Variants in PCDH7 observed in about 807,000 individuals in gnomAD.
The protein encoded by PCDH7 is protocadherin-7.
PCDH7 carries 17 observed loss-of-function variants against 58.9 expected under a neutral mutation model. That is an observed-to-expected ratio of 0.29 (90% CI 0.20 to 0.43). The LOEUF is 0.43. Ranked by LOEUF, PCDH7 falls within the 20% of genes least tolerant of loss-of-function variation. PCDH7 has a pLI of 1.00. For synonymous variants in PCDH7, 664 were observed against 616.4 expected (o/e 1.08, Z -1.14); for missense variants, 1,274 against 1,441.0 (o/e 0.88, Z 1.88).
chr4:31,038,682 G>A (rs1755609564), intron 3 of PCDH7, among the ~76,000 whole-genome samples: 1 of 152,132 alleles, frequency 6.6e-6, no homozygotes, highest in Non-Finnish European at 1.5e-5. Flanking sequence ...ATTAGTCCAT[G>A]CTGATGTGAG....
intron 1 of PCDH7, among the ~76,000 whole-genome samples, chr4:30,774,126 C>T (rs1721765230): frequency 6.6e-6 from 1 of 152,148 alleles, no homozygotes; most frequent in East Asian, 1.9e-4. Context: ...TTTTCTCTGA[C>T]CTCTAGAGTC....
Position 30,867,903 on chromosome 4 carries a change from G to A in PCDH7, c.71-52250G>A, listed in dbSNP as rs556837653. ...TTAGGATGCAGTTTAAAAATTGCAC[G>A]ATATTTTTAATATACATTAAAATGT... On this transcript the variant is annotated intron_variant, in intron 1 of 3. Transcript: ENST00000509759. Among the ~76,000 whole-genome samples the A allele has an allele frequency of 1.8e-4, 27 of 152,036 alleles. No homozygotes were observed. The South Asian group carries it at 3.7e-3, about 21-fold the overall frequency.
intron 3 of PCDH7, among the ~76,000 whole-genome samples, chr4:31,082,748 T>G (rs1711667190): frequency 7.4e-6 from 1 of 135,482 alleles, no homozygotes; most frequent in Non-Finnish European, 1.5e-5. Context: ...GCATACAGAG[T>G]GATATAATGG....
chr4:31,055,063 G>A (rs1757041019), intron 3 of PCDH7, among the ~76,000 whole-genome samples: 1 of 152,102 alleles, frequency 6.6e-6, no homozygotes, highest in Admixed American at 6.6e-5. Flanking sequence ...GAATAACAAA[G>A]CATTTATATT....
At chr4:30,924,146 A>T (rs1399101023) in intron 2 of PCDH7, among the ~76,000 whole-genome samples, 1 of 152,174 alleles carries the variant, frequency 6.6e-6, no homozygotes, top group African/African-American at 2.4e-5. Context: ...CCTTCATGCC[A>T]TGACCTACTT....
At chr4:31,144,555 G>C (rs955547637), downstream of PCDH7, 1 of 152,260 alleles carries the variant, frequency 6.6e-6, no homozygotes, top group East Asian at 1.9e-4. Context: ...TGGCTCTCTA[G>C]CAAACTGTAG....
At chr4:30,861,558 T>C (rs1402505109) in intron 1 of PCDH7, among the ~76,000 whole-genome samples, 1 of 152,170 alleles carries the variant, frequency 6.6e-6, no homozygotes, top group Non-Finnish European at 1.5e-5. Context: ...GATAGATAAT[T>C]TTTAACTATT....
intron 3 of PCDH7, among the ~76,000 whole-genome samples, chr4:31,047,230 C>T (rs1756359928): frequency 6.6e-6 from 1 of 151,964 alleles, no homozygotes; most frequent in Non-Finnish European, 1.5e-5. Flanking sequence ...TCATGAATAA[C>T]TTCATGTGGA....
At chr4:30,818,086 G>C (rs760027214) in intron 1 of PCDH7, among the ~76,000 whole-genome samples, 8 of 152,040 alleles carry the variant, frequency 5.3e-5, no homozygotes, top group Admixed American at 3.3e-4. Context: ...TTAGCCTTTT[G>C]AGCCATTTCT....
chr4:31,013,356 T>G (rs1753342465), intron 3 of PCDH7, among the ~76,000 whole-genome samples: 1 of 151,366 alleles, frequency 6.6e-6, no homozygotes, highest in Non-Finnish European at 1.5e-5. Flanking sequence ...TGTGTATGTA[T>G]GTATTATTTT....
chr4:30,722,164 G>T lies in PCDH7; in HGVS notation c.742G>T (p.Val248Leu). ...CCGCAGCAGCGTGTTCGAGCTGCAG[G>T]TGGCGGACACCCCGGACGGCGAGAA... The change falls in exon 1 of 2, where the codon GTG (valine) becomes TTG (leucine). Residue 248 changes from valine to leucine, a missense_variant. Coordinates refer to ENST00000361762, the Ensembl canonical transcript of PCDH7. This position sits in a 1 kb window ranked among gnomAD's most constrained non-coding sequence, Gnocchi z 7.6. 6.5e-7 allele frequency: 1 copy of T among 1,530,824 alleles called. No individual in the cohort carries two copies. Among genetic ancestry groups the T allele is most frequent in the Non-Finnish European group, 8.8e-7 (1 of 1,140,274 alleles). The allele number at this position is 1,530,824 out of a possible 1,614,324, so 94.8% of individuals were successfully genotyped here. A position where few individuals can be genotyped will look rare whatever the true frequency, so the allele number is the denominator to read the frequency against.
At chr4:30,912,549 G>A (rs545249545) in intron 1 of PCDH7, among the ~76,000 whole-genome samples, 1 of 152,298 alleles carries the variant, frequency 6.6e-6, no homozygotes, top group African/African-American at 2.4e-5. Context: ...AGAAATAATT[G>A]ATGTGACTGA....
downstream of PCDH7, chr4:31,146,209 G>A (rs965300124): frequency 3.9e-5 from 6 of 151,930 alleles, no homozygotes; most frequent in East Asian, 9.7e-4. Flanking sequence ...TGTCTTGTAG[G>A]AAAATAGAAT....
chr4:30,890,552 T>C (rs945496007), intron 1 of PCDH7, among the ~76,000 whole-genome samples: 17 of 151,972 alleles, frequency 1.1e-4, no homozygotes, highest in East Asian at 3.9e-4. Flanking sequence ...CCCAAATATA[T>C]GATCATCTTT....
Position 30,722,937 on chromosome 4 carries a change from C to A in PCDH7, c.1515C>A (p.Ile505=). ...CCACCCGGGAGTTCAACGTGGTCAT[C>A]GTGGCGGTGGACTCAGGCAGCCCCA... Residue 505 remains isoleucine (I), a synonymous_variant, in exon 1 of 2, where the codon ATC becomes ATA. Coordinates refer to ENST00000361762, the Ensembl canonical transcript of PCDH7. This position sits in a 1 kb window ranked among gnomAD's most constrained non-coding sequence, Gnocchi z 7.6. The A allele has an allele frequency of 6.2e-7, 1 of 1,613,632 alleles. No individual in the cohort carries two copies. Among genetic ancestry groups the A allele is most frequent in the South Asian group, 1.1e-5 (1 of 91,070 alleles).
intron 3 of PCDH7, chr4:30,987,437 C>T (rs555643207): frequency 3.6e-4 from 55 of 152,094 alleles, no homozygotes; most frequent in African/African-American, 1.3e-3. Context: ...CATTTAATAG[C>T]TATAAAATGA....
intron 3 of PCDH7, among the ~76,000 whole-genome samples, chr4:31,038,021 C>G (rs1755556508): frequency 6.6e-6 from 1 of 152,250 alleles, no homozygotes; most frequent in South Asian, 2.1e-4. Context: ...TAAGGTTTGG[C>G]AGCAGATGGT....
At chr4:30,975,602 AT>A (rs1363570466) in intron 3 of PCDH7, among the ~76,000 whole-genome samples, 1 of 151,996 alleles carries the variant, frequency 6.6e-6, no homozygotes. Flanking sequence ...AGTATTTCCA[AT>A]TTTACTTGTT....
chr4:30,911,001 G>A (rs1741668991), intron 1 of PCDH7, among the ~76,000 whole-genome samples: 1 of 152,028 alleles, frequency 6.6e-6, no homozygotes, highest in South Asian at 2.1e-4. Flanking sequence ...AGTTCATGTT[G>A]TTTGCATGGA....
Sources: allele counts gnomAD v4.1 joint callset (sites outside exome capture counted in the v4.1 genomes callset), GRCh38; gene constraint gnomAD v4.1.1; non-coding constraint Gnocchi (gnomAD v3.1); transcripts MANE v1.5; gene names NCBI Gene and HGNC (gene_info 2026-07-23, HGNC 2026-07-21).